TMEM132B: variants seen among roughly 807,000 people sequenced by gnomAD.
The protein encoded by TMEM132B is transmembrane protein 132B.
A neutral mutation model predicts 90.8 loss-of-function variants in TMEM132B; 18 were observed. That is an observed-to-expected ratio of 0.20 (90% CI 0.14 to 0.29). The LOEUF is 0.29. TMEM132B is among the 10% of genes least tolerant of loss of function. The pLI, the probability that TMEM132B is intolerant of heterozygous loss-of-function variation, is 1.00. For missense variants in TMEM132B, 1,096 were observed against 1,326.8 expected, an observed-to-expected ratio of 0.83 and a Z score of 2.70; for synonymous variants, 504 against 523.3, an observed-to-expected ratio of 0.96 and a Z score of 0.50.
intron 3 of TMEM132B, among the ~76,000 whole-genome samples, chr12:125,479,957 C>G (rs1393668161): frequency 6.6e-6 from 1 of 152,220 alleles, no homozygotes; most frequent in East Asian, 1.9e-4. Context: ...AAGAAATTCA[C>G]TCAAAACCGC....
chr12:125,508,679 T>G (rs1378082434), intron 3 of TMEM132B, among the ~76,000 whole-genome samples: 1 of 152,114 alleles, frequency 6.6e-6, no homozygotes, highest in Non-Finnish European at 1.5e-5. Flanking sequence ...CCAGTAGAGA[T>G]GCAGAGTAAT....
rs1162996890 is a variant in TMEM132B, at chr12:125,409,613, TGGAGTGGA to T, written c.960-5908_960-5901del. Among the ~76,000 whole-genome samples the T allele has an allele frequency of 1.5e-3, 84 of 55,182 alleles. 4 individuals are homozygous for T. Among genetic ancestry groups the T allele is most frequent in the African/African-American group, 6.2e-3 (72 of 11,576 alleles). 36.2% of individuals were successfully genotyped at this position (55,182 alleles called of 152,430 possible). A position where few individuals can be genotyped will look rare whatever the true frequency, so the allele number is the denominator to read the frequency against. On this transcript the variant is annotated intron_variant, in intron 2 of 8. Transcript: ENST00000682704. ...AGTGGAGTGGAGGAGTGGAGTGGAG[TGGAGTGGA>T]GGAGTGGAGTGGAGTGGAGGAGTGG...
intron 1 of TMEM132B, among the ~76,000 whole-genome samples, chr12:125,271,391 C>T (rs569719558): frequency 8.9e-4 from 135 of 152,188 alleles, no homozygotes; most frequent in East Asian, 3.3e-3. Context: ...GAAGGAATTC[C>T]GCAATTGTTT....
intron 4 of TMEM132B, among the ~76,000 whole-genome samples, chr12:125,543,260 A>T (rs1349838885): frequency 1.3e-5 from 2 of 152,212 alleles, no homozygotes; most frequent in Non-Finnish European, 2.9e-5. Context: ...CAGGTTCTGC[A>T]TTTGTGGATT....
At chr12:125,629,535 T>C (rs1197010097) in intron 5 of TMEM132B, among the ~76,000 whole-genome samples, 1 of 152,148 alleles carries the variant, frequency 6.6e-6, no homozygotes, top group Non-Finnish European at 1.5e-5. Flanking sequence ...TAATAGTTTT[T>C]TGGTGGAGTC....
intron 3 of TMEM132B, among the ~76,000 whole-genome samples, chr12:125,497,228 A>G (rs1354054577): frequency 6.6e-6 from 1 of 152,230 alleles, no homozygotes; most frequent in African/African-American, 2.4e-5. Flanking sequence ...CTAGGTAAGA[A>G]GCACTTCAAA....
intron 4 of TMEM132B, among the ~76,000 whole-genome samples, chr12:125,530,370 G>A (rs1292109365): frequency 1.3e-5 from 2 of 151,762 alleles, no homozygotes; most frequent in African/African-American, 2.4e-5. Flanking sequence ...ATCCTGTAAA[G>A]CTCCATCTGG....
At position 125,429,764 on chromosome 12, in the gene TMEM132B, G is replaced by A. The variant is rs114865001; in HGVS notation, c.1106+14087G>A. On this transcript the variant is annotated intron_variant, in intron 3 of 8. Coordinates refer to ENST00000682704, the MANE Select transcript of TMEM132B (RefSeq NM_001366854.1). Reference sequence around the variant, plus strand: ...GGTAAGGTGCCATTTTCATCATGTCGTATCAGGGTACATGCTACTCACATG... The same window carrying A: ...GGTAAGGTGCCATTTTCATCATGTCATATCAGGGTACATGCTACTCACATG... Among the ~76,000 whole-genome samples the A allele has an allele frequency of 8.2e-3, 1,246 of 152,266 alleles. 19 individuals carry two copies. Among genetic ancestry groups the A allele is most frequent in the African/African-American group, 0.027 (1,138 of 41,526 alleles).
intron 2 of TMEM132B, among the ~76,000 whole-genome samples, chr12:125,362,604 C>T (rs551384798): frequency 6.6e-6 from 1 of 152,302 alleles, no homozygotes; most frequent in East Asian, 1.9e-4. Context: ...CACCACATAG[C>T]AATGTCCCAT....
chr12:125,195,311 C>G (rs1872899516), intron 1 of TMEM132B, among the ~76,000 whole-genome samples: 1 of 151,836 alleles, frequency 6.6e-6, no homozygotes, highest in Admixed American at 6.6e-5. Flanking sequence ...TAACTAAACA[C>G]ACCGTTCATT....
intron 3 of TMEM132B, among the ~76,000 whole-genome samples, chr12:125,505,392 T>TTA (rs1424139892): frequency 6.6e-6 from 1 of 151,888 alleles, no homozygotes; most frequent in Non-Finnish European, 1.5e-5. Flanking sequence ...AAACATATAA[T>TTA]ATCTGAAATA....
chr12:125,330,199 TCTC>T (rs1876722669), intron 1 of TMEM132B, among the ~76,000 whole-genome samples: 1 of 152,196 alleles, frequency 6.6e-6, no homozygotes, highest in Non-Finnish European at 1.5e-5. Context: ...CCACTTGTGG[TCTC>T]CTCTGTCCAG....
chr12:125,557,474 T>G lies in TMEM132B; in HGVS notation c.1294-26377T>G, dbSNP rs529055166. ...TAGCATCTATTACATATCATCTGGG[T>G]CAATTATCTAATCTATCTTATCAAT... On this transcript the variant is annotated intron_variant, in intron 4 of 8. Coordinates refer to ENST00000682704, the MANE Select transcript of TMEM132B (RefSeq NM_001366854.1). Among the ~76,000 whole-genome samples, 5 of 152,272 alleles carry G rather than the reference T, an allele frequency of 3.3e-5. No individual in the cohort carries two copies. In the South Asian group the frequency reaches 1.0e-3, roughly 32 times the overall value.
chr12:125,413,471 G>A (rs959112323), intron 2 of TMEM132B, among the ~76,000 whole-genome samples: 9 of 152,194 alleles, frequency 5.9e-5, no homozygotes, highest in South Asian at 2.1e-4. Context: ...CTGGGTACCC[G>A]TTAGCTAGGC....
intron 4 of TMEM132B, among the ~76,000 whole-genome samples, chr12:125,531,354 TTTTA>T (rs1883642327): frequency 6.6e-6 from 1 of 151,958 alleles, no homozygotes; most frequent in Non-Finnish European, 1.5e-5. Flanking sequence ...CCCGGCTGAT[TTTTA>T]TTTATTTTTT....
chr12:125,268,319 T>G lies in TMEM132B; in HGVS notation c.68-81133T>G, dbSNP rs75822038. Among the ~76,000 whole-genome samples the G allele has an allele frequency of 7.5e-3, 1,141 of 152,338 alleles. 51 individuals are homozygous for G. The East Asian group carries it at 0.14, about 18-fold the overall frequency. On this transcript the variant is annotated intron_variant, in intron 1 of 8. Transcript: ENST00000682704. ...ACTCATCCAGTTTACTTCTGAGAAT[T>G]TATCATTCAGAGAGATTGTACCTGT...
chr12:125,489,252 C>G (rs1882288683), intron 3 of TMEM132B, among the ~76,000 whole-genome samples: 1 of 152,072 alleles, frequency 6.6e-6, no homozygotes, highest in Non-Finnish European at 1.5e-5. Context: ...GTATTTAGCA[C>G]CTTCATTTAT....
At position 125,421,173 on chromosome 12, in the gene TMEM132B, C is replaced by T. The variant is rs549611390; in HGVS notation, c.1106+5496C>T. ...AAACTGTTCCAACCTCTGCCTGTTACCCAGTTGCAAAGTTGCTTCCATATT... is the reference window on the plus strand; with the variant it reads ...AAACTGTTCCAACCTCTGCCTGTTATCCAGTTGCAAAGTTGCTTCCATATT... On this transcript the variant is annotated intron_variant, in intron 3 of 8. Coordinates refer to ENST00000682704, the MANE Select transcript of TMEM132B (RefSeq NM_001366854.1). Among the ~76,000 whole-genome samples the T allele has an allele frequency of 2.0e-4, 30 of 152,338 alleles. No individual in the cohort carries two copies. In the South Asian group the frequency reaches 3.3e-3, roughly 17 times the overall value.
intron 2 of TMEM132B, among the ~76,000 whole-genome samples, chr12:125,414,596 G>T (rs1050057677): frequency 2.0e-5 from 3 of 152,176 alleles, no homozygotes; most frequent in Non-Finnish European, 4.4e-5. Flanking sequence ...AGCCCAGCCT[G>T]CACTGACCTC....
Sources: gnomAD v4.1 joint callset for allele counts (sites outside exome capture counted in the v4.1 genomes callset) on GRCh38, gnomAD v4.1.1 for gene constraint, MANE v1.5 for transcripts, NCBI Gene and HGNC (gene_info 2026-07-23, HGNC 2026-07-21) for gene names.